Variants in ANKRD36C observed in about 807,000 individuals in gnomAD.
The protein encoded by ANKRD36C is ankyrin repeat domain-containing protein 36C.
ANKRD36C carries 61 observed loss-of-function variants against 276.4 expected under a neutral mutation model. The observed-to-expected ratio is 0.22, with a 90% CI of 0.18 to 0.27. The LOEUF is 0.27. ANKRD36C is among the 10% of genes least tolerant of loss of function. The pLI is 1.00. For missense variants in ANKRD36C, 1,447 were observed against 2,032.3 expected (o/e 0.71, Z 5.54); for synonymous variants, 483 against 680.1 (o/e 0.71, Z 4.51).
chr2:95,987,654 G>A (rs1176099900), intron 1 of ANKRD36C, among the ~76,000 whole-genome samples: 1 of 117,350 alleles, frequency 8.5e-6, no homozygotes, highest in African/African-American at 3.3e-5. Context: ...TCGCTCTGTC[G>A]CCCAGGCCGG....
chr2:95,953,631 G>C (rs1365498672), intron 14 of ANKRD36C, among the ~76,000 whole-genome samples: 1 of 151,932 alleles, frequency 6.6e-6, no homozygotes, highest in Non-Finnish European at 1.5e-5. Flanking sequence ...AATAAGCCTA[G>C]ACCAAAATTT....
At chr2:95,960,146 A>G (rs970738444) in intron 10 of ANKRD36C, among the ~76,000 whole-genome samples, 5 of 151,944 alleles carry the variant, frequency 3.3e-5, no homozygotes, top group African/African-American at 7.2e-5. Flanking sequence ...CTAGTACTTC[A>G]TCTTATTCTC....
chr2:95,977,688 G>A (rs1295074846), intron 6 of ANKRD36C, among the ~76,000 whole-genome samples: 2 of 151,992 alleles, frequency 1.3e-5, no homozygotes, highest in African/African-American at 4.8e-5. Context: ...TCAACAGCAT[G>A]GGGATTGGCA....
intron 32 of ANKRD36C, among the ~76,000 whole-genome samples, chr2:95,923,204 T>C (rs1450902241): frequency 5.9e-5 from 9 of 151,630 alleles, no homozygotes; most frequent in Admixed American, 4.6e-4. Context: ...GAAAACATGC[T>C]GTAGAATTAA....
At chr2:95,893,864 G>A (rs2104359150) in intron 44 of ANKRD36C, 140 bp from the exon 63 acceptor site, 1 of 1,444,238 alleles carries the variant, frequency 6.9e-7, no homozygotes, top group Non-Finnish European at 9.3e-7. Context: ...TGTGTCTGGG[G>A]ACTAGAACAT....
chr2:95,952,207 C>T (rs74175497), intron 14 of ANKRD36C, among the ~76,000 whole-genome samples: 69 of 152,164 alleles, frequency 4.5e-4, no homozygotes, highest in African/African-American at 1.6e-3. Context: ...ATCAAATATG[C>T]GCTTAAAAGA....
intron 28 of ANKRD36C, 77 bp downstream of exon 28, chr2:95,927,137 C>T (rs561394926): frequency 1.5e-4 from 242 of 1,572,626 alleles, no homozygotes; most frequent in East Asian, 1.5e-3. Context: ...ATGAATCCCC[C>T]GCTGATTTAT....
intron 6 of ANKRD36C, among the ~76,000 whole-genome samples, chr2:95,977,411 T>A (rs1374184351): frequency 1.3e-5 from 2 of 152,146 alleles, no homozygotes; most frequent in African/African-American, 4.8e-5. Context: ...ACTATTATTG[T>A]TTTTTTATAA....
chr2:95,870,127 A>G (rs1368160436), intron 59 of ANKRD36C, among the ~76,000 whole-genome samples: 1 of 152,224 alleles, frequency 6.6e-6, no homozygotes, highest in African/African-American at 2.4e-5. Context: ...CTGCAGACTT[A>G]AATGTCCCTG....
At chr2:95,891,703 A>C (rs1474185755) in exon 46 of ANKRD36C, 1 of 1,578,828 alleles carries the variant, frequency 6.3e-7, no homozygotes, top group Non-Finnish European at 8.6e-7. Flanking sequence ...TCCTCTGGCT[A>C]TATTCAAAAC....
At chr2:95,960,420 A>C in intron 10 of ANKRD36C, 53 bp downstream of exon 10, 1 of 1,536,558 alleles carries the variant, frequency 6.5e-7, no homozygotes, top group Non-Finnish European at 8.8e-7. Flanking sequence ...GGGGAAGGGA[A>C]GTTCTCCTCT....
exon 61 of ANKRD36C, chr2:95,859,987 C>G: frequency 6.5e-7 from 1 of 1,549,214 alleles, no homozygotes; most frequent in African/African-American, 1.4e-5. Context: ...AATTTTTACT[C>G]TAAGTTGCTC....
chr2:95,986,980 C>T (rs1679040856), intron 2 of ANKRD36C, 56 bp from the exon 3 acceptor site: 8 of 1,610,994 alleles, frequency 5.0e-6, no homozygotes, highest in Admixed American at 1.7e-5. Context: ...ATAAACACTC[C>T]GTAGGATTTC....
intron 1 of ANKRD36C, among the ~76,000 whole-genome samples, chr2:95,990,851 T>G (rs1353252394): frequency 6.6e-6 from 1 of 152,220 alleles, no homozygotes; most frequent in African/African-American, 2.4e-5. Context: ...TATGCACCTT[T>G]CCATAATGTA....
intron 60 of ANKRD36C, among the ~76,000 whole-genome samples, chr2:95,863,990 T>C (rs1256992474): frequency 6.6e-6 from 1 of 151,952 alleles, no homozygotes; most frequent in Non-Finnish European, 1.5e-5. Context: ...TTGTGATGTG[T>C]CAATTTAGGC....
At chr2:95,863,051 A>G (rs1675619017) in intron 60 of ANKRD36C, among the ~76,000 whole-genome samples, 1 of 152,012 alleles carries the variant, frequency 6.6e-6, no homozygotes, top group Non-Finnish European at 1.5e-5. Flanking sequence ...AAAATCAACA[A>G]CACAAAACAC....
intron 16 of ANKRD36C, among the ~76,000 whole-genome samples, chr2:95,949,543 T>C (rs1325413026): frequency 1.3e-5 from 2 of 152,218 alleles, no homozygotes; most frequent in African/African-American, 4.8e-5. Context: ...CCACTTTCAT[T>C]GGGTTCAACA....
intron 20 of ANKRD36C, among the ~76,000 whole-genome samples, chr2:95,939,692 G>A (rs1190528812): frequency 6.6e-6 from 1 of 151,322 alleles, no homozygotes; most frequent in South Asian, 2.1e-4. Context: ...GTGACAGAGC[G>A]AGACTCCGTC....
chr2:95,887,862 G>A (rs367583115), intron 50 of ANKRD36C, 63 bp downstream of exon 70: 18 of 1,537,748 alleles, frequency 1.2e-5, no homozygotes, highest in East Asian at 4.9e-5. Context: ...TGATTTGTTC[G>A]GGGAAGAGAA....
Sources: allele counts gnomAD v4.1 joint callset (sites outside exome capture counted in the v4.1 genomes callset), GRCh38; gene constraint gnomAD v4.1.1; transcripts MANE v1.5; gene names NCBI Gene and HGNC (gene_info 2026-07-23, HGNC 2026-07-21).